CTXN2: variants seen among roughly 807,000 people sequenced by gnomAD.
The protein encoded by CTXN2 is cortexin-2.
Under a neutral mutation model 5.7 loss-of-function variants are expected in CTXN2, and 3 were observed. The observed-to-expected ratio is 0.53, with a 90% confidence interval of 0.24 to 1.36. The LOEUF (loss-of-function observed/expected upper bound fraction) is 1.36, where lower values mean the gene tolerates loss of function less well. Ranked by LOEUF, CTXN2 falls within the 40% of genes most tolerant of loss-of-function variation. The probability of loss-of-function intolerance (pLI) is 0.17; values close to 1 mark genes in which losing one functional copy is unlikely to be tolerated. For synonymous variants in CTXN2, 38 were observed against 36.4 expected (o/e 1.04, Z -0.16); for missense variants, 87 against 93.0 (o/e 0.94, Z 0.26).
Position 48,202,391 on chromosome 15 carries a change from T to C in CTXN2, c.*845T>C, listed in dbSNP as rs2040936087. The C allele has an allele frequency of 6.0e-6, 1 of 167,078 alleles. No homozygotes were observed. Among genetic ancestry groups the C allele is most frequent in the Non-Finnish European group, 1.5e-5 (1 of 68,118 alleles). The allele number at this position is 167,078 out of a possible 1,614,324, so 10.3% of individuals were successfully genotyped here. On this transcript the variant is annotated 3_prime_UTR_variant, in exon 2 of 2. Transcript: ENST00000417307. ...AACATCCTTTTCAATTCTAGTGCCCTATGAATGCTACAAATGTATCTGAAA... is the reference window on the plus strand; with the variant it reads ...AACATCCTTTTCAATTCTAGTGCCCCATGAATGCTACAAATGTATCTGAAA...
chr15:48,201,463 C>A lies in CTXN2; in HGVS notation c.163C>A (p.Pro55Thr), dbSNP rs1597389409. The A allele has an allele frequency of 1.3e-6, 2 of 1,551,082 alleles. No homozygotes were observed. The highest frequency in any genetic ancestry group is 2.0e-5 in the Admixed American group (1 of 50,942). Residue 55 changes from proline to threonine, a missense_variant, in exon 2 of 2, where the codon CCA becomes ACA. Coordinates refer to ENST00000417307, the MANE Select transcript of CTXN2 (RefSeq NM_001145668.2). Reference sequence around the variant, plus strand: ...CCGATGCTTCAAAATCCTGCTAGACCCATATAGTAGCATGCCTTCCTCTAC... The same window carrying A: ...CCGATGCTTCAAAATCCTGCTAGACACATATAGTAGCATGCCTTCCTCTAC... ...IIRCFKILLD[P>T]YSSMPSSTWE... is the part of the protein sequence containing the mutation.
At chr15:48,179,341 T>C (rs1405508782) in intron 1 of CTXN2, among the ~76,000 whole-genome samples, 1 of 152,128 alleles carries the variant, frequency 6.6e-6, no homozygotes, top group Non-Finnish European at 1.5e-5. Flanking sequence ...CATAATTTCA[T>C]CTTCGGCTTT....
chr15:48,190,009 A>C (rs922161973), upstream of CTXN2: 3 of 152,198 alleles, frequency 2.0e-5, no homozygotes, highest in African/African-American at 7.2e-5. Context: ...GGGTTTCGCC[A>C]TGTTGGTCAG....
At chr15:48,197,873 G>A (rs780713847) in intron 1 of CTXN2, among the ~76,000 whole-genome samples, 12 of 152,066 alleles carry the variant, frequency 7.9e-5, no homozygotes, top group Admixed American at 1.3e-4. Context: ...GCCCTTACCT[G>A]ATTCCAAAAG....
chr15:48,201,571 G>C lies in CTXN2; in HGVS notation c.*25G>C. 2 of 1,548,728 alleles carry C rather than the reference G, an allele frequency of 1.3e-6. No individual in the cohort carries two copies. The highest frequency in any genetic ancestry group is 1.7e-6 in the Non-Finnish European group (2 of 1,144,996). ...AGAGTTCCAGCTATATGGTTTTTATGGTTGTGCCATCGGGACACATTCTGG... is the reference window on the plus strand; with the variant it reads ...AGAGTTCCAGCTATATGGTTTTTATCGTTGTGCCATCGGGACACATTCTGG... On this transcript the variant is annotated 3_prime_UTR_variant, in exon 2 of 2. Transcript: ENST00000417307.
chr15:48,185,444 C>G (rs2040741135), intron 1 of CTXN2, among the ~76,000 whole-genome samples: 1 of 151,988 alleles, frequency 6.6e-6, no homozygotes, highest in Non-Finnish European at 1.5e-5. Flanking sequence ...TGAAACTGCT[C>G]TAAGAAAATT....
At chr15:48,193,842 T>C (rs2040850759) in intron 1 of CTXN2, among the ~76,000 whole-genome samples, 1 of 152,106 alleles carries the variant, frequency 6.6e-6, no homozygotes, top group African/African-American at 2.4e-5. Context: ...AACTTTGGAT[T>C]TGTTGTTGAA....
At chr15:48,182,143 C>A (rs2040705949) in intron 1 of CTXN2, among the ~76,000 whole-genome samples, 1 of 152,080 alleles carries the variant, frequency 6.6e-6, no homozygotes, top group African/African-American at 2.4e-5. Flanking sequence ...CTCTGTATCA[C>A]CCCCAATACA....
rs1278287544 is a variant in CTXN2 at position 48,202,610 on chromosome 15, T to C, written c.*1064T>C. ...CCCATCCTGCATGTCTTCAGCAATA[T>C]TGAGAGGGCCAATTAGATATAATGA... On this transcript the variant is annotated 3_prime_UTR_variant, in exon 2 of 2. Coordinates refer to ENST00000417307, the MANE Select transcript of CTXN2 (RefSeq NM_001145668.2). 1 of 167,044 alleles carries C rather than the reference T, an allele frequency of 6.0e-6. No homozygotes were observed. Among genetic ancestry groups the C allele is most frequent in the African/African-American group, 2.4e-5 (1 of 41,470 alleles). The allele number at this position is 167,044 out of a possible 1,614,324, so 10.3% of individuals were successfully genotyped here. A position where few individuals can be genotyped will look rare whatever the true frequency, so the allele number is the denominator to read the frequency against.
upstream of CTXN2, among the ~76,000 whole-genome samples, chr15:48,188,885 C>T (rs1194418556): frequency 1.3e-5 from 2 of 152,150 alleles, no homozygotes; most frequent in African/African-American, 4.8e-5. Flanking sequence ...CCTTCTTTGG[C>T]AATGGCTAAT....
chr15:48,191,551 C>A, upstream of CTXN2: 1 of 376,840 alleles, frequency 2.7e-6, no homozygotes, highest in Non-Finnish European at 5.3e-6. Context: ...ACAGATGCTG[C>A]CACAGACACA....
upstream of CTXN2, chr15:48,191,417 G>C (rs1486820116): frequency 4.7e-6 from 1 of 214,026 alleles, no homozygotes; most frequent in African/African-American, 2.3e-5. Flanking sequence ...AAAAAGGAGT[G>C]TCTATTTTTT....
Position 48,198,698 on chromosome 15 carries a change from T to C in CTXN2, c.-57-2546T>C, listed in dbSNP as rs115569071. 3.1e-3 allele frequency among the ~76,000 whole-genome samples: 471 copies of C among 152,292 alleles called. 3 individuals carry two copies. Among genetic ancestry groups the C allele is most frequent in the African/African-American group, 0.011 (454 of 41,558 alleles). On this transcript the variant is annotated intron_variant, in intron 1 of 1. Transcript: ENST00000417307. The stretch of plus-strand genomic sequence containing the variant: ...TTTGCTGGTTTGTTTTGTTGGTTAG[T>C]AGGTTTTAAGAAAAATAAGAGCGTA...
chr15:48,189,750 A>G (rs992666766), upstream of CTXN2, among the ~76,000 whole-genome samples: 1 of 152,168 alleles, frequency 6.6e-6, no homozygotes. Context: ...CTTTCCCACA[A>G]TCTATGACTG....
In CTXN2 at chr15:48,201,625, G is replaced by A; in HGVS notation, c.*79G>A. The A allele has an allele frequency of 7.3e-7, 1 of 1,375,644 alleles. No individual in the cohort carries two copies. Among genetic ancestry groups the A allele is most frequent in the Non-Finnish European group, 9.9e-7 (1 of 1,007,486 alleles). 85.2% of individuals were successfully genotyped at this position (1,375,644 alleles called of 1,614,324 possible). A position where few individuals can be genotyped will look rare whatever the true frequency, so the allele number is the denominator to read the frequency against. On this transcript the variant is annotated 3_prime_UTR_variant, in exon 2 of 2. Coordinates refer to ENST00000417307, the MANE Select transcript of CTXN2 (RefSeq NM_001145668.2). Reference sequence around the variant, plus strand: ...CAATTGTAACTACCTTGAGGGTGTGGGAGAGAGGCTCATTTTGTTCAGTGA... The same window carrying A: ...CAATTGTAACTACCTTGAGGGTGTGAGAGAGAGGCTCATTTTGTTCAGTGA...
chr15:48,190,489 A>G (rs1246434037), upstream of CTXN2, among the ~76,000 whole-genome samples: 1 of 152,126 alleles, frequency 6.6e-6, no homozygotes, highest in Non-Finnish European at 1.5e-5. Context: ...TCAGTTATAC[A>G]TTGCCCATTT....
At chr15:48,195,054 T>G (rs527289006) in intron 1 of CTXN2, among the ~76,000 whole-genome samples, 2 of 152,202 alleles carry the variant, frequency 1.3e-5, no homozygotes, top group Non-Finnish European at 2.9e-5. Flanking sequence ...TATTGAAAGC[T>G]GACAATTGAG....
intron 1 of CTXN2, among the ~76,000 whole-genome samples, chr15:48,184,637 G>A (rs905520460): frequency 1.3e-5 from 2 of 152,122 alleles, no homozygotes; most frequent in African/African-American, 2.4e-5. Flanking sequence ...CCAAAACACT[G>A]ACAACACTAA....
upstream of CTXN2, chr15:48,191,175 C>A (rs2040817177): frequency 6.5e-6 from 1 of 153,006 alleles, no homozygotes; most frequent in South Asian, 2.1e-4. Flanking sequence ...ACACCTTTCA[C>A]TCCTGAATTT....
Sources: allele counts gnomAD v4.1 joint callset (sites outside exome capture counted in the v4.1 genomes callset), GRCh38; gene constraint gnomAD v4.1.1; transcripts MANE v1.5; gene names NCBI Gene and HGNC (gene_info 2026-07-23, HGNC 2026-07-21).